Variants in SEMA3A observed in about 807,000 individuals in gnomAD.
The protein encoded by SEMA3A is semaphorin 3A.
Under a neutral mutation model 97.9 loss-of-function variants are expected in SEMA3A, and 29 were observed. That is an observed-to-expected ratio of 0.30 (90% CI 0.22 to 0.40). The LOEUF (loss-of-function observed/expected upper bound fraction) is 0.40, where lower values mean the gene tolerates loss of function less well. Among genes scored for constraint, SEMA3A ranks in the 10% least tolerant of loss-of-function variants. SEMA3A has a pLI of 1.00. For synonymous variants in SEMA3A, 321 were observed against 323.7 expected, an observed-to-expected ratio of 0.99 and a Z score of 0.09; for missense variants, 763 against 951.3, an observed-to-expected ratio of 0.80 and a Z score of 2.60.
At chr7:84,435,828 A>G (rs1805113055) in intron 1 of SEMA3A, among the ~76,000 whole-genome samples, 1 of 152,204 alleles carries the variant, frequency 6.6e-6, no homozygotes, top group Admixed American at 6.5e-5. Context: ...GCACTATTGT[A>G]AAATTCACAT....
chr7:84,270,979 A>G (rs1414964247), intron 3 of SEMA3A, among the ~76,000 whole-genome samples: 1 of 152,046 alleles, frequency 6.6e-6, no homozygotes, highest in Non-Finnish European at 1.5e-5. Context: ...TCAGATTAGT[A>G]GTACTCAGTT....
chr7:84,418,532 G>A (rs1260164752), intron 1 of SEMA3A, among the ~76,000 whole-genome samples: 1 of 151,954 alleles, frequency 6.6e-6, no homozygotes, highest in Non-Finnish European at 1.5e-5. Context: ...AATGTGGGTG[G>A]GCACCCTCCA....
intron 1 of SEMA3A, among the ~76,000 whole-genome samples, chr7:84,393,675 C>G (rs1409282434): frequency 6.6e-6 from 1 of 152,082 alleles, no homozygotes; most frequent in Non-Finnish European, 1.5e-5. Flanking sequence ...CATGAGTTGT[C>G]ATGCCTGTTT....
At chr7:84,047,044 A>G (rs1350308751) in intron 5 of SEMA3A, among the ~76,000 whole-genome samples, 1 of 151,834 alleles carries the variant, frequency 6.6e-6, no homozygotes, top group Non-Finnish European at 1.5e-5. Context: ...AAGTGTTTTT[A>G]TTTGTTATAA....
Position 84,258,434 on chromosome 7 carries a change from A to C in SEMA3A, c.-83+48773T>G, listed in dbSNP as rs10238805. Reference sequence around the variant, plus strand: ...AAGTTCAAGGGAAAGAGAAAATGTGACATAGTAATCCAAAGAAAGATTTAT... The same window carrying C: ...AAGTTCAAGGGAAAGAGAAAATGTGCCATAGTAATCCAAAGAAAGATTTAT... On this transcript the variant is annotated intron_variant, in intron 3 of 3. Transcript: ENST00000424555. Among the ~76,000 whole-genome samples the C allele has an allele frequency of 7.8e-4, 118 of 152,246 alleles. 1 individual carries two copies. Among genetic ancestry groups the C allele is most frequent in the African/African-American group, 2.7e-3 (113 of 41,554 alleles).
chr7:84,378,840 T>A (rs548589385), intron 1 of SEMA3A, among the ~76,000 whole-genome samples: 8 of 152,128 alleles, frequency 5.3e-5, no homozygotes, highest in Non-Finnish European at 8.8e-5. Flanking sequence ...TTATTATTTG[T>A]TTTTTTCTGA....
intron 1 of SEMA3A, among the ~76,000 whole-genome samples, chr7:84,473,618 A>C (rs1320732009): frequency 6.6e-6 from 1 of 151,700 alleles, no homozygotes; most frequent in East Asian, 1.9e-4. Flanking sequence ...CCAACTCCTG[A>C]CCTCTAGTTA....
intron 13 of SEMA3A, among the ~76,000 whole-genome samples, chr7:83,981,697 T>C (rs1789422977): frequency 6.6e-6 from 1 of 152,238 alleles, no homozygotes; most frequent in Non-Finnish European, 1.5e-5. Flanking sequence ...AACAAGTGTC[T>C]TTTATTAAGT....
intron 3 of SEMA3A, among the ~76,000 whole-genome samples, chr7:84,288,277 T>A (rs1800643781): frequency 6.6e-6 from 1 of 152,094 alleles, no homozygotes; most frequent in African/African-American, 2.4e-5. Context: ...TTAAGTAAAT[T>A]TTTCTAAAAA....
chr7:84,092,641 G>A (rs1431468432), intron 4 of SEMA3A, among the ~76,000 whole-genome samples: 2 of 151,906 alleles, frequency 1.3e-5, no homozygotes, highest in African/African-American at 4.8e-5. Flanking sequence ...TTAAGCAAAG[G>A]GCATGAAATA....
chr7:84,259,739 G>A (rs534903696), intron 3 of SEMA3A, among the ~76,000 whole-genome samples: 1 of 149,584 alleles, frequency 6.7e-6, no homozygotes, highest in Admixed American at 6.7e-5. Flanking sequence ...AAAAATTAAA[G>A]CAAGCTGCAA....
intron 1 of SEMA3A, among the ~76,000 whole-genome samples, chr7:84,395,629 C>A (rs1803711707): frequency 6.6e-6 from 1 of 151,886 alleles, no homozygotes; most frequent in Non-Finnish European, 1.5e-5. Flanking sequence ...TGGTTTCCCC[C>A]ATGCTCTTCT....
In SEMA3A at chr7:84,129,195, G is replaced by C. The variant is rs781329444; in HGVS notation, c.271-10C>G. On this transcript the variant is annotated splice_polypyrimidine_tract_variant and intron_variant, in intron 2 of 16. Coordinates refer to ENST00000265362, the MANE Select transcript of SEMA3A (RefSeq NM_006080.3). ...ATACTGGCCACACAATCTAAGGACAGAGAATAAACATTGTTTTATGTCAAC... is the reference window on the plus strand; with the variant it reads ...ATACTGGCCACACAATCTAAGGACACAGAATAAACATTGTTTTATGTCAAC... 6.2e-7 allele frequency: 1 copy of C among 1,608,036 alleles called. No individual in the cohort carries two copies.
chr7:83,996,890 A>T (rs921221037), intron 12 of SEMA3A, among the ~76,000 whole-genome samples: 1 of 152,086 alleles, frequency 6.6e-6, no homozygotes, highest in African/African-American at 2.4e-5. Flanking sequence ...CCTATTAAAA[A>T]TTTTACTCTA....
At chr7:84,490,706 A>G (rs1467189507) in intron 1 of SEMA3A, among the ~76,000 whole-genome samples, 3 of 152,194 alleles carry the variant, frequency 2.0e-5, no homozygotes, top group Non-Finnish European at 4.4e-5. Context: ...TGAAAAGCAA[A>G]TGGAGTAAAT....
chr7:84,173,559 CAAAAAAAAA>C (rs34919422), intron 1 of SEMA3A, among the ~76,000 whole-genome samples: 8 of 80,686 alleles, frequency 9.9e-5, no homozygotes, highest in African/African-American at 1.9e-4. Context: ...AACTCTGTCT[CAAAAAAAAA>C]AAAAAAAAAA....
At chr7:84,358,876 G>A (rs1366514871) in intron 2 of SEMA3A, among the ~76,000 whole-genome samples, 3 of 152,056 alleles carry the variant, frequency 2.0e-5, no homozygotes, top group Non-Finnish European at 4.4e-5. Flanking sequence ...TGTATTCCTA[G>A]GTATTGTATT....
At chr7:84,064,487 G>C (rs1047313376) in intron 4 of SEMA3A, among the ~76,000 whole-genome samples, 2 of 152,130 alleles carry the variant, frequency 1.3e-5, no homozygotes, top group Non-Finnish European at 2.9e-5. Context: ...ATTGGATAAA[G>C]AGTCAAGAGC....
In SEMA3A at chr7:84,194,788, T is replaced by G; in HGVS notation, c.-202A>C. On this transcript the variant is annotated 5_prime_UTR_variant, in exon 1 of 17. Coordinates refer to ENST00000265362, the MANE Select transcript of SEMA3A (RefSeq NM_006080.3). ...ACTGAAGCACAGAAACTTCAAACCC[T>G]CCAAAAAGAAAAAAAAAAAAAAAAA... 4.8e-5 allele frequency: 8 copies of G among 166,326 alleles called. No individual in the cohort carries two copies. The highest frequency in any genetic ancestry group is 8.9e-5 in the East Asian group (1 of 11,214). The allele number at this position is 166,326 out of a possible 1,614,324, so 10.3% of individuals were successfully genotyped here. A position where few individuals can be genotyped will look rare whatever the true frequency, so the allele number is the denominator to read the frequency against.
Sources: gnomAD v4.1 joint callset for allele counts (sites outside exome capture counted in the v4.1 genomes callset) on GRCh38, gnomAD v4.1.1 for gene constraint, MANE v1.5 for transcripts, NCBI Gene and HGNC (gene_info 2026-07-23, HGNC 2026-07-21) for gene names.